The following ADD3 variants were observed in gnomAD, a reference collection of about 807,000 sequenced individuals.
ADD3 encodes the protein gamma-adducin.
Under a neutral mutation model 80.2 loss-of-function variants are expected in ADD3, and 25 were observed. The observed-to-expected ratio is 0.31, with a 90% confidence interval of 0.23 to 0.44. The LOEUF (loss-of-function observed/expected upper bound fraction) is 0.44, where lower values mean the gene tolerates loss of function less well. Ranked by LOEUF, ADD3 falls within the 20% of genes least tolerant of loss-of-function variation. The probability of loss-of-function intolerance (pLI) is 1.00; values close to 1 mark genes in which losing one functional copy is unlikely to be tolerated. For missense variants in ADD3, 829 were observed against 847.5 expected (o/e 0.98, Z 0.27); for synonymous variants, 284 against 289.6 (o/e 0.98, Z 0.20).
At chr10:110,124,784 A>G (rs1851935682) in intron 10 of ADD3, among the ~76,000 whole-genome samples, 1 of 152,204 alleles carries the variant, frequency 6.6e-6, no homozygotes, top group Middle Eastern at 3.2e-3. Flanking sequence ...AGAATTTTGC[A>G]TTAGATTTGG....
Position 110,119,648 on chromosome 10 carries a change from T to C in ADD3, c.960+84T>C, listed in dbSNP as rs1851204607. On this transcript the variant is annotated intron_variant, in intron 8 of 14. Transcript: ENST00000356080. ...TTGTGTACTTATTTGCAAATACATATTAGTTAGTGGCTTTTTGTCTTTTAA... is the reference window on the plus strand; with the variant it reads ...TTGTGTACTTATTTGCAAATACATACTAGTTAGTGGCTTTTTGTCTTTTAA... The C allele has an allele frequency of 1.7e-5, 20 of 1,172,982 alleles. No homozygotes were observed. In the South Asian group the frequency reaches 2.5e-4, roughly 14 times the overall value. 72.7% of individuals were successfully genotyped at this position (1,172,982 alleles called of 1,614,324 possible). A position where few individuals can be genotyped will look rare whatever the true frequency, so the allele number is the denominator to read the frequency against.
intron 1 of ADD3, among the ~76,000 whole-genome samples, chr10:109,997,336 TA>T (rs1851400409): frequency 6.6e-6 from 1 of 152,014 alleles, no homozygotes; most frequent in Non-Finnish European, 1.5e-5. Flanking sequence ...AGCAATGAGG[TA>T]AAAAAAGGCT....
chr10:110,002,649 T>C (rs1851509330), upstream of ADD3, among the ~76,000 whole-genome samples: 1 of 152,156 alleles, frequency 6.6e-6, no homozygotes, highest in Non-Finnish European at 1.5e-5. Context: ...CACTAGGAGT[T>C]TCTTATTTGT....
At chr10:110,113,415 G>A (rs954793132) in intron 3 of ADD3, among the ~76,000 whole-genome samples, 10 of 151,994 alleles carry the variant, frequency 6.6e-5, no homozygotes, top group East Asian at 5.8e-4. Flanking sequence ...TTACAGGTGC[G>A]CGCCACCACG....
At position 110,055,912 on chromosome 10, in the gene ADD3, A is replaced by G. The variant is rs567684108; in HGVS notation, c.-29-44713A>G. Among the ~76,000 whole-genome samples, 9 of 152,366 alleles carry G rather than the reference A, an allele frequency of 5.9e-5. No individual in the cohort carries two copies. In the South Asian group the frequency reaches 1.0e-3, roughly 18 times the overall value. ...TAAATGACATAAAGCTCATTATACAAATTTTCTCAATGGAATAAGACAGTA... is the reference window on the plus strand; with the variant it reads ...TAAATGACATAAAGCTCATTATACAGATTTTCTCAATGGAATAAGACAGTA... On this transcript the variant is annotated intron_variant, in intron 1 of 14. Coordinates refer to ENST00000356080, the MANE Select transcript of ADD3 (RefSeq NM_016824.5).
chr10:110,129,909 A>C (rs1456376727), intron 12 of ADD3, among the ~76,000 whole-genome samples: 1 of 152,222 alleles, frequency 6.6e-6, no homozygotes, highest in Non-Finnish European at 1.5e-5. Flanking sequence ...GCCAACTGCA[A>C]CTGAAATTCT....
At chr10:110,035,023 A>G (rs774600229) in intron 1 of ADD3, among the ~76,000 whole-genome samples, 3 of 152,150 alleles carry the variant, frequency 2.0e-5, no homozygotes, top group South Asian at 2.1e-4. Context: ...TCATGAGACA[A>G]TTTTTTCAGT....
intron 1 of ADD3, among the ~76,000 whole-genome samples, chr10:110,080,170 A>G (rs1845908657): frequency 6.6e-6 from 1 of 152,158 alleles, no homozygotes; most frequent in African/African-American, 2.4e-5. Context: ...CCCAGGAGGA[A>G]GTCATTTCTC....
At chr10:110,102,307 T>C (rs528129427) in intron 2 of ADD3, among the ~76,000 whole-genome samples, 1 of 152,164 alleles carries the variant, frequency 6.6e-6, no homozygotes, top group Admixed American at 6.5e-5. Flanking sequence ...ACCCCATTTT[T>C]AAGAACTAAC....
intron 1 of ADD3, among the ~76,000 whole-genome samples, chr10:110,029,168 C>T (rs1404496684): frequency 2.0e-5 from 3 of 152,312 alleles, no homozygotes; most frequent in East Asian, 1.9e-4. Context: ...CGTGAGCCAC[C>T]GTGCCTGGCT....
intron 5 of ADD3, among the ~76,000 whole-genome samples, chr10:110,117,726 A>C (rs942121578): frequency 3.9e-5 from 6 of 151,966 alleles, no homozygotes; most frequent in Admixed American, 1.3e-4. Context: ...TGTAAAAAAA[A>C]CACACACGGC....
chr10:110,074,077 A>C (rs1426100453), intron 1 of ADD3, among the ~76,000 whole-genome samples: 1 of 152,220 alleles, frequency 6.6e-6, no homozygotes, highest in Non-Finnish European at 1.5e-5. Flanking sequence ...CATTTCTAGA[A>C]GTTGGTGTCA....
At chr10:110,114,255 A>G (rs1162412317) in intron 3 of ADD3, among the ~76,000 whole-genome samples, 1 of 152,224 alleles carries the variant, frequency 6.6e-6, no homozygotes, top group Non-Finnish European at 1.5e-5. Context: ...AATAGAAGAC[A>G]GGTTAATGGC....
chr10:110,086,177 C>T (rs184156194), intron 1 of ADD3, among the ~76,000 whole-genome samples: 7 of 151,920 alleles, frequency 4.6e-5, no homozygotes, highest in Admixed American at 2.0e-4. Context: ...TTTGGGAGGC[C>T]GAGGTGGGCG....
chr10:110,071,800 G>A (rs1264080043), intron 1 of ADD3, among the ~76,000 whole-genome samples: 1 of 152,178 alleles, frequency 6.6e-6, no homozygotes, highest in Non-Finnish European at 1.5e-5. Flanking sequence ...TGGGGATCAT[G>A]CCTAATCTTT....
At chr10:110,001,519 T>C (rs1851484959), upstream of ADD3, among the ~76,000 whole-genome samples, 1 of 152,194 alleles carries the variant, frequency 6.6e-6, no homozygotes, top group Non-Finnish European at 1.5e-5. Context: ...TCTGAATCTC[T>C]TTCACATAAT....
At chr10:110,033,095 G>A (rs554625072) in intron 1 of ADD3, among the ~76,000 whole-genome samples, 172 of 152,296 alleles carry the variant, frequency 1.1e-3, no homozygotes, top group African/African-American at 4.0e-3. Flanking sequence ...TTTATAGGTC[G>A]ATTATATAAT....
intron 1 of ADD3, among the ~76,000 whole-genome samples, chr10:110,083,597 C>T (rs1435114673): frequency 6.6e-6 from 1 of 151,886 alleles, no homozygotes; most frequent in East Asian, 1.9e-4. Context: ...AGAGTCATTT[C>T]CCTCTAAACC....
At chr10:110,046,181 A>G (rs1231000495) in intron 1 of ADD3, among the ~76,000 whole-genome samples, 1 of 152,200 alleles carries the variant, frequency 6.6e-6, no homozygotes, top group African/African-American at 2.4e-5. Context: ...CAGACAAATG[A>G]TTCGTCTTGT....
Sources: allele counts gnomAD v4.1 joint callset (sites outside exome capture counted in the v4.1 genomes callset), GRCh38; gene constraint gnomAD v4.1.1; transcripts MANE v1.5; gene names NCBI Gene and HGNC (gene_info 2026-07-23, HGNC 2026-07-21).